The following DCC variants were observed in gnomAD, a reference collection of about 807,000 sequenced individuals.
The protein encoded by DCC is DCC netrin 1 receptor.
DCC carries 58 observed loss-of-function variants against 172.5 expected under a neutral mutation model. That is an observed-to-expected ratio of 0.34 (90% CI 0.27 to 0.42). DCC has a LOEUF of 0.42. Among genes scored for constraint, DCC ranks in the 10% least tolerant of loss-of-function variants. The pLI is 1.00. For synonymous variants in DCC, 709 were observed against 644.5 expected (o/e 1.10, Z -1.52); for missense variants, 1,740 against 1,791.0 (o/e 0.97, Z 0.51).
chr18:53,115,816 G>A (rs891987150), intron 7 of DCC, among the ~76,000 whole-genome samples: 2 of 151,688 alleles, frequency 1.3e-5, no homozygotes, highest in Non-Finnish European at 3.0e-5. Context: ...ATTATGAGAT[G>A]TTTTAATGGG....
At chr18:53,156,983 A>G (rs1438617367) in intron 7 of DCC, among the ~76,000 whole-genome samples, 1 of 152,172 alleles carries the variant, frequency 6.6e-6, no homozygotes, top group African/African-American at 2.4e-5. Flanking sequence ...ATATTGAATC[A>G]TATTATCCAC....
chr18:52,720,077 TG>T (rs1444422108), intron 1 of DCC, among the ~76,000 whole-genome samples: 1 of 152,034 alleles, frequency 6.6e-6, no homozygotes, highest in African/African-American at 2.4e-5. Flanking sequence ...AGGCTAGGTA[TG>T]ATACGGTGGC....
chr18:53,457,746 G>T (rs1197957276), intron 23 of DCC, among the ~76,000 whole-genome samples: 1 of 152,134 alleles, frequency 6.6e-6, no homozygotes, highest in Non-Finnish European at 1.5e-5. Flanking sequence ...GAAAATAGGG[G>T]TTGTTTCAGA....
chr18:52,955,621 C>T (rs1425157380), intron 5 of DCC, among the ~76,000 whole-genome samples: 1 of 151,994 alleles, frequency 6.6e-6, no homozygotes, highest in East Asian at 1.9e-4. Context: ...AAAAATCTGC[C>T]AAACTGTCCT....
chr18:53,480,819 C>G (rs1347301907), intron 25 of DCC: 1 of 152,086 alleles, frequency 6.6e-6, no homozygotes, highest in East Asian at 1.9e-4. Flanking sequence ...CAAATTACTC[C>G]CAAAATGTAG....
intron 2 of DCC, among the ~76,000 whole-genome samples, chr18:52,823,513 G>C (rs1361909369): frequency 2.0e-5 from 3 of 152,096 alleles, no homozygotes; most frequent in Non-Finnish European, 1.5e-5. Flanking sequence ...AGATTTTCTT[G>C]AGTTGGGGAA....
chr18:52,802,122 A>T (rs2038001104), intron 2 of DCC, among the ~76,000 whole-genome samples: 3 of 152,082 alleles, frequency 2.0e-5, no homozygotes, highest in Non-Finnish European at 4.4e-5. Flanking sequence ...TGGCAATAAG[A>T]TACAGAATGA....
In DCC at chr18:52,829,495, G is replaced by A. The variant is rs563708338; in HGVS notation, c.413-76549G>A. Among the ~76,000 whole-genome samples, 27 of 152,288 alleles carry A rather than the reference G, an allele frequency of 1.8e-4. 1 individual carries two copies. In the South Asian group the frequency reaches 5.6e-3, roughly 32 times the overall value. On this transcript the variant is annotated intron_variant, in intron 2 of 28. Coordinates refer to ENST00000442544, the MANE Select transcript of DCC (RefSeq NM_005215.4). ...TTTGTGAAATGCCTCCAGAGAGATA[G>A]GGCAGTATAAATGATTCATACTATT...
intron 1 of DCC, among the ~76,000 whole-genome samples, chr18:52,671,829 C>A (rs1025659399): frequency 6.6e-6 from 1 of 152,132 alleles, no homozygotes; most frequent in Non-Finnish European, 1.5e-5. Flanking sequence ...AGTCACCACA[C>A]CCGGCCTCAT....
chr18:53,230,625 GTAAGGTGTCTAAA>G (rs1396325249), intron 12 of DCC, among the ~76,000 whole-genome samples: 2 of 151,962 alleles, frequency 1.3e-5, no homozygotes, highest in Non-Finnish European at 2.9e-5. Flanking sequence ...AATCATCAAA[GTAAGGTGTCTAAA>G]TTGTAGTATA....
chr18:53,357,640 A>G (rs1436844991), intron 15 of DCC, among the ~76,000 whole-genome samples: 1 of 152,208 alleles, frequency 6.6e-6, no homozygotes, highest in Non-Finnish European at 1.5e-5. Flanking sequence ...AATTATGTAG[A>G]ATGATGTTTG....
chr18:53,375,317 C>T (rs1442150819), intron 15 of DCC, among the ~76,000 whole-genome samples: 1 of 151,952 alleles, frequency 6.6e-6, no homozygotes, highest in East Asian at 1.9e-4. Context: ...CACTCAGAAA[C>T]CCAAAGGAAT....
intron 5 of DCC, among the ~76,000 whole-genome samples, chr18:53,048,434 C>T (rs764016928): frequency 4.6e-5 from 7 of 150,722 alleles, no homozygotes; most frequent in East Asian, 3.9e-4. Context: ...ACTCCATCCA[C>T]GTTGCTTTAG....
In DCC at chr18:53,354,264, T is replaced by C. The variant is rs1410106173; in HGVS notation, c.2359+14357T>C. On this transcript the variant is annotated intron_variant, in intron 15 of 28. Coordinates refer to ENST00000442544, the MANE Select transcript of DCC (RefSeq NM_005215.4). ...TTATAGCAGCATGCTTTATAATCCT[T>C]TGGGTATATACCCAGTAATGGGATG... Among the ~76,000 whole-genome samples, 3 of 152,186 alleles carry C rather than the reference T, an allele frequency of 2.0e-5. No individual in the cohort carries two copies. In the East Asian group the frequency reaches 5.8e-4, roughly 29 times the overall value.
At chr18:53,494,637 C>T (rs1280045577) in intron 26 of DCC, among the ~76,000 whole-genome samples, 2 of 152,138 alleles carry the variant, frequency 1.3e-5, no homozygotes, top group Non-Finnish European at 2.9e-5. Flanking sequence ...ATTGCAACCT[C>T]TGCTTTTTCT....
chr18:52,578,971 C>G (rs1317872724), intron 1 of DCC, among the ~76,000 whole-genome samples: 2 of 152,152 alleles, frequency 1.3e-5, no homozygotes, highest in Admixed American at 1.3e-4. Flanking sequence ...CAGAGTGAGA[C>G]TCCGTCTGGA....
chr18:52,946,909 A>G (rs768078593), intron 5 of DCC, among the ~76,000 whole-genome samples: 24 of 152,204 alleles, frequency 1.6e-4, no homozygotes, highest in Non-Finnish European at 3.2e-4. Flanking sequence ...TTAATTTTTG[A>G]AAAGCAAAAT....
At chr18:52,766,795 G>T (rs542398015) in intron 2 of DCC, among the ~76,000 whole-genome samples, 4 of 151,980 alleles carry the variant, frequency 2.6e-5, no homozygotes, top group Non-Finnish European at 5.9e-5. Flanking sequence ...AGGGATATAA[G>T]TTCTCCTTTT....
chr18:52,805,568 G>C (rs1306757059), intron 2 of DCC, among the ~76,000 whole-genome samples: 1 of 152,120 alleles, frequency 6.6e-6, no homozygotes, highest in Non-Finnish European at 1.5e-5. Flanking sequence ...TCTTCCACAG[G>C]TTATAGAAAG....
Sources: allele counts gnomAD v4.1 joint callset (sites outside exome capture counted in the v4.1 genomes callset), GRCh38; gene constraint gnomAD v4.1.1; transcripts MANE v1.5; gene names NCBI Gene and HGNC (gene_info 2026-07-23, HGNC 2026-07-21).